The following GALNT17 variants were observed in gnomAD, a reference collection of about 807,000 sequenced individuals.
The protein encoded by GALNT17 is UDP-GalNAc:polypeptide N-acetylgalactosaminyltransferase-like 3.
In GALNT17, 29 loss-of-function variants were observed where a neutral mutation model predicts 63.7. That is an observed-to-expected ratio of 0.46 (90% CI 0.34 to 0.62). The LOEUF is 0.62. Among genes scored for constraint, GALNT17 ranks in the 20% least tolerant of loss-of-function variants. The probability of loss-of-function intolerance (pLI) is 0.01; values close to 1 mark genes in which losing one functional copy is unlikely to be tolerated. For synonymous variants in GALNT17, 305 were observed against 318.3 expected, an observed-to-expected ratio of 0.96 and a Z score of 0.45; for missense variants, 603 against 799.6, an observed-to-expected ratio of 0.75 and a Z score of 2.97.
At chr7:71,488,087 T>A (rs886178038) in intron 5 of GALNT17, among the ~76,000 whole-genome samples, 5 of 151,718 alleles carry the variant, frequency 3.3e-5, no homozygotes, top group Admixed American at 2.0e-4. Flanking sequence ...GAAGGATCGC[T>A]TGAGTCCAGA....
At chr7:71,650,817 G>T (rs1584112951) in intron 6 of GALNT17, among the ~76,000 whole-genome samples, 1 of 152,108 alleles carries the variant, frequency 6.6e-6, no homozygotes, top group East Asian at 1.9e-4. Flanking sequence ...TACACCAAAG[G>T]TTCTAAAGTC....
intron 6 of GALNT17, among the ~76,000 whole-genome samples, chr7:71,583,727 GCACACACA>G (rs969364342): frequency 3.2e-4 from 9 of 28,412 alleles, no homozygotes; most frequent in African/African-American, 7.0e-4. Flanking sequence ...GAACACACAT[GCACACACA>G]CACACACACA....
At chr7:71,217,334 A>G (rs1248201557) in intron 1 of GALNT17, among the ~76,000 whole-genome samples, 2 of 151,234 alleles carry the variant, frequency 1.3e-5, no homozygotes, top group East Asian at 1.9e-4. Flanking sequence ...ATTTGCGGGT[A>G]TATTGTTGCA....
rs375050317 is a variant in GALNT17, at chr7:71,677,189, C to A, written c.1405-22C>A. ...CTCCACTAGCTGAGCTCTCATGGGT[C>A]GTGTTTTGTCTATTCTTGCAGCTTC... On this transcript the variant is annotated intron_variant, in intron 8 of 10. Transcript: ENST00000333538. 5 of 1,612,558 alleles carry A rather than the reference C, an allele frequency of 3.1e-6. No individual in the cohort carries two copies. In the South Asian group the frequency reaches 5.5e-5, roughly 18 times the overall value.
intron 6 of GALNT17, among the ~76,000 whole-genome samples, chr7:71,599,659 T>A (rs1466063738): frequency 6.6e-6 from 1 of 151,800 alleles, no homozygotes; most frequent in Non-Finnish European, 1.5e-5. Flanking sequence ...CACCTAGACA[T>A]TGATATCTGG....
intron 1 of GALNT17, among the ~76,000 whole-genome samples, chr7:71,240,525 G>A (rs1232411912): frequency 6.6e-6 from 1 of 152,136 alleles, no homozygotes; most frequent in Admixed American, 6.5e-5. Context: ...AGAACATGCA[G>A]TATTTGGTTT....
At chr7:71,370,797 G>C (rs1257697917) in intron 2 of GALNT17, among the ~76,000 whole-genome samples, 1 of 151,670 alleles carries the variant, frequency 6.6e-6, no homozygotes, top group Non-Finnish European at 1.5e-5. Context: ...GTAGAGATGG[G>C]GTCTCTCTTT....
chr7:71,163,157 C>T (rs1459377510), intron 1 of GALNT17, among the ~76,000 whole-genome samples: 1 of 152,152 alleles, frequency 6.6e-6, no homozygotes, highest in East Asian at 1.9e-4. Context: ...GAATGACTTC[C>T]AGATTTTCCA....
At chr7:71,454,591 A>G (rs1787321790) in intron 5 of GALNT17, among the ~76,000 whole-genome samples, 1 of 152,142 alleles carries the variant, frequency 6.6e-6, no homozygotes, top group Non-Finnish European at 1.5e-5. Context: ...ACTTTGAGAG[A>G]AGGTCAAAGG....
chr7:71,402,041 A>G (rs949940357), intron 3 of GALNT17, among the ~76,000 whole-genome samples: 1 of 152,178 alleles, frequency 6.6e-6, no homozygotes, highest in Non-Finnish European at 1.5e-5. Context: ...CCCAGCCCAA[A>G]CTTTAGCTAT....
chr7:71,616,902 A>ATAAGAATCATATTAAGAATATATAATTC (rs1441606542), intron 6 of GALNT17, among the ~76,000 whole-genome samples: 5 of 145,006 alleles, frequency 3.4e-5, no homozygotes, highest in African/African-American at 1.2e-4. Context: ...TATAATTCTT[A>ATAAGAATCATATTAAGAATATATAATTC]TAAGAATCAT....
intron 2 of GALNT17, among the ~76,000 whole-genome samples, chr7:71,382,857 A>G (rs1026410823): frequency 1.2e-4 from 18 of 152,176 alleles, no homozygotes; most frequent in African/African-American, 4.1e-4. Context: ...TAAAATATAC[A>G]TAACATAAAA....
At chr7:71,272,625 G>C (rs1790613826) in intron 1 of GALNT17, among the ~76,000 whole-genome samples, 1 of 152,190 alleles carries the variant, frequency 6.6e-6, no homozygotes, top group Non-Finnish European at 1.5e-5. Context: ...TCTTTCTCCT[G>C]CAGCCCTTCA....
chr7:71,423,859 C>T lies in GALNT17; in HGVS notation c.962+2754C>T, dbSNP rs547211971. On this transcript the variant is annotated intron_variant, in intron 5 of 10. Coordinates refer to ENST00000333538, the MANE Select transcript of GALNT17 (RefSeq NM_022479.3). ...GTTGCTGGAGCCCAGGAGGTCGAGG[C>T]TGTAGTGGGCTGTGATCACTCCTCT... Among the ~76,000 whole-genome samples, 3 of 152,142 alleles carry T rather than the reference C, an allele frequency of 2.0e-5. No homozygotes were observed. The South Asian group carries it at 6.2e-4, about 32-fold the overall frequency.
At chr7:71,233,403 GT>G (rs1437232147) in intron 1 of GALNT17, among the ~76,000 whole-genome samples, 1 of 152,220 alleles carries the variant, frequency 6.6e-6, no homozygotes, top group Non-Finnish European at 1.5e-5. Context: ...TCCCAAGACA[GT>G]ACCTCTGTGA....
chr7:71,403,581 C>T (rs765909198), intron 3 of GALNT17, among the ~76,000 whole-genome samples: 1 of 152,212 alleles, frequency 6.6e-6, no homozygotes, highest in Non-Finnish European at 1.5e-5. Flanking sequence ...AGTAACTTAA[C>T]GTGGACATTT....
intron 9 of GALNT17, among the ~76,000 whole-genome samples, chr7:71,679,630 G>A (rs974658213): frequency 5.3e-5 from 8 of 152,030 alleles, no homozygotes; most frequent in Non-Finnish European, 4.4e-5. Context: ...AGGTAGCCCA[G>A]TTTGGCCGGA....
At chr7:71,672,540 A>G (rs1791085766) in intron 8 of GALNT17, among the ~76,000 whole-genome samples, 1 of 152,122 alleles carries the variant, frequency 6.6e-6, no homozygotes, top group Non-Finnish European at 1.5e-5. Context: ...CCATTAATAT[A>G]TAATAAGCTT....
chr7:71,241,548 ATGC>A (rs1420439633), intron 1 of GALNT17, among the ~76,000 whole-genome samples: 1 of 152,226 alleles, frequency 6.6e-6, no homozygotes, highest in Non-Finnish European at 1.5e-5. Flanking sequence ...GGCAAGGAGC[ATGC>A]TTTACTCTTC....
Sources: gnomAD v4.1 joint callset for allele counts (sites outside exome capture counted in the v4.1 genomes callset) on GRCh38, gnomAD v4.1.1 for gene constraint, MANE v1.5 for transcripts, NCBI Gene and HGNC (gene_info 2026-07-23, HGNC 2026-07-21) for gene names.